PPP1R2: variants seen among roughly 807,000 people sequenced by gnomAD.
PPP1R2 encodes protein phosphatase 1 regulatory inhibitor subunit 2, also known as protein phosphatase inhibitor 2.
In PPP1R2, 16 loss-of-function variants were observed where a neutral mutation model predicts 29.9. The observed-to-expected ratio is 0.53, with a 90% CI of 0.36 to 0.81. The LOEUF (loss-of-function observed/expected upper bound fraction) is 0.81, where lower values mean the gene tolerates loss of function less well. PPP1R2 is among the 30% of genes least tolerant of loss of function. The probability of loss-of-function intolerance (pLI) is 0.00; values close to 1 mark genes in which losing one functional copy is unlikely to be tolerated. For synonymous variants in PPP1R2, 76 were observed against 91.5 expected, an observed-to-expected ratio of 0.83 and a Z score of 0.96; for missense variants, 197 against 252.7, an observed-to-expected ratio of 0.78 and a Z score of 1.49.
rs186136953 is a variant in PPP1R2 at position 195,526,843 on chromosome 3, G to A, written c.231-1947C>T. Among the ~76,000 whole-genome samples the A allele has an allele frequency of 3.2e-3, 488 of 152,126 alleles. 2 individuals are homozygous for A. Among genetic ancestry groups the A allele is most frequent in the Non-Finnish European group, 5.7e-3 (387 of 67,968 alleles). ...GTTGCCCAGGCTGGAGTGCAATGGC[G>A]CGATCTCAGCTCACTGCAACCTCTG... On this transcript the variant is annotated intron_variant, in intron 2 of 5. Transcript: ENST00000618156.
intron 5 of PPP1R2, among the ~76,000 whole-genome samples, chr3:195,517,326 G>C (rs920785163): frequency 6.6e-6 from 1 of 152,132 alleles, no homozygotes; most frequent in Non-Finnish European, 1.5e-5. Flanking sequence ...GTGAATGGGG[G>C]AGGAAAGGGG....
chr3:195,533,851 C>T (rs1719277049), intron 1 of PPP1R2, among the ~76,000 whole-genome samples: 1 of 152,094 alleles, frequency 6.6e-6, no homozygotes, highest in East Asian at 1.9e-4. Flanking sequence ...TATATGATAA[C>T]TTAAAGCAAA....
chr3:195,516,801 G>T lies in PPP1R2; in HGVS notation c.*95C>A. 1.9e-6 allele frequency: 2 copies of T among 1,038,754 alleles called. No homozygotes were observed. Among genetic ancestry groups the T allele is most frequent in the Non-Finnish European group, 3.0e-6 (2 of 677,938 alleles). 64.3% of individuals were successfully genotyped at this position (1,038,754 alleles called of 1,614,324 possible). A position where few individuals can be genotyped will look rare whatever the true frequency, so the allele number is the denominator to read the frequency against. On this transcript the variant is annotated 3_prime_UTR_variant, in exon 6 of 6. Transcript: ENST00000618156. ...TATATAATAACTGGTATGCATTTTG[G>T]TACTTAAGTCATGAATTGTGAAGAA...
intron 1 of PPP1R2, among the ~76,000 whole-genome samples, chr3:195,540,955 A>T (rs1185292635): frequency 6.6e-6 from 1 of 152,264 alleles, no homozygotes; most frequent in Non-Finnish European, 1.5e-5. Context: ...GTCACATAAC[A>T]AGGATCATTA....
chr3:195,518,836 G>C (rs1718649131), intron 5 of PPP1R2, among the ~76,000 whole-genome samples, 182 bp downstream of exon 5: 1 of 151,946 alleles, frequency 6.6e-6, no homozygotes, highest in Admixed American at 6.6e-5. Flanking sequence ...ATCAACTCTA[G>C]GTATAAAAAC....
At chr3:195,537,141 T>C (rs1719418969) in intron 1 of PPP1R2, among the ~76,000 whole-genome samples, 1 of 152,002 alleles carries the variant, frequency 6.6e-6, no homozygotes, top group African/African-American at 2.4e-5. Context: ...TATAAAACAG[T>C]ACATACAGTA....
intron 5 of PPP1R2, among the ~76,000 whole-genome samples, 155 bp from the exon 6 acceptor site, chr3:195,517,097 A>C (rs1353484764): frequency 3.3e-5 from 5 of 152,166 alleles, no homozygotes; most frequent in Non-Finnish European, 7.4e-5. Flanking sequence ...GAAATTGAAG[A>C]ATCTATACAC....
chr3:195,527,348 G>A (rs1157790799), intron 2 of PPP1R2, among the ~76,000 whole-genome samples: 1 of 152,044 alleles, frequency 6.6e-6, no homozygotes, highest in Non-Finnish European at 1.5e-5. Flanking sequence ...TACTTGGGAG[G>A]CTGAGGCACG....
chr3:195,532,646 A>G (rs1719230167), intron 1 of PPP1R2, among the ~76,000 whole-genome samples: 1 of 152,286 alleles, frequency 6.6e-6, no homozygotes, highest in East Asian at 1.9e-4. Flanking sequence ...GACTCTATTT[A>G]TAGTTGACCC....
At chr3:195,529,680 G>T in intron 2 of PPP1R2, 114 bp downstream of exon 2, 1 of 682,212 alleles carries the variant, frequency 1.5e-6, no homozygotes. Flanking sequence ...CTTCACTAGT[G>T]CTCCAGTAAC....
At chr3:195,525,020 C>T (rs1023539002) in intron 2 of PPP1R2, 124 bp from the exon 3 acceptor site, 3 of 765,260 alleles carry the variant, frequency 3.9e-6, no homozygotes, top group Non-Finnish European at 6.6e-6. Context: ...CTGTTGATAT[C>T]TTTGAGGTTT....
intron 4 of PPP1R2, among the ~76,000 whole-genome samples, chr3:195,521,496 T>G (rs73065902): frequency 0.022 from 3,335 of 152,132 alleles, 133 homozygotes; most frequent in African/African-American, 0.076. Flanking sequence ...CTTCATGTTT[T>G]CAATGTTTCT....
At position 195,529,041 on chromosome 3, in the gene PPP1R2, A is replaced by AT. The variant is rs879663216; in HGVS notation, c.230+752dup. 3.2e-3 allele frequency: 410 copies of AT among 129,514 alleles called. 1 individual carries two copies. The highest frequency in any genetic ancestry group is 0.012 in the East Asian group (56 of 4,542). The allele number at this position is 129,514 out of a possible 1,614,324, so 8.0% of individuals were successfully genotyped here. A position where few individuals can be genotyped will look rare whatever the true frequency, so the allele number is the denominator to read the frequency against. ...GCCACCATGCCTGGCTAATTTTTGT[A>AT]TTTTTTTTTTTTTTTAGTAGAGATG... On this transcript the variant is annotated intron_variant, in intron 2 of 5. Transcript: ENST00000618156.
intron 5 of PPP1R2, among the ~76,000 whole-genome samples, chr3:195,518,063 T>A (rs535721105): frequency 5.3e-5 from 8 of 152,290 alleles, no homozygotes; most frequent in African/African-American, 1.7e-4. Flanking sequence ...CTGAAAAGTA[T>A]GAAGTTTGTA....
chr3:195,537,481 T>TTGTGTGTGTGTGTGTGTGTG (rs71180930), intron 1 of PPP1R2, among the ~76,000 whole-genome samples: 2,526 of 128,440 alleles, frequency 0.02, 51 homozygotes, highest in Admixed American at 0.037. Flanking sequence ...GGATTAGCTA[T>TTGTGTGTGTGTGTGTGTGTG]TGTGTGTGTG....
intron 1 of PPP1R2, among the ~76,000 whole-genome samples, chr3:195,535,189 G>A (rs1242822334): frequency 2.6e-5 from 4 of 152,144 alleles, no homozygotes; most frequent in East Asian, 1.9e-4. Flanking sequence ...AGGAGTGGGC[G>A]ACCTAGAGCC....
intron 1 of PPP1R2, among the ~76,000 whole-genome samples, chr3:195,542,293 CAT>C (rs1719626065): frequency 6.6e-6 from 1 of 151,272 alleles, no homozygotes; most frequent in South Asian, 2.2e-4. Context: ...CAACTTTTTA[CAT>C]GTGTATCTTT....
chr3:195,540,156 G>A (rs1719540419), intron 1 of PPP1R2, among the ~76,000 whole-genome samples: 1 of 152,152 alleles, frequency 6.6e-6, no homozygotes, highest in South Asian at 2.1e-4. Context: ...TTTGAGGTCC[G>A]TTAGCAGTTG....
At chr3:195,538,229 T>C (rs901663839) in intron 1 of PPP1R2, among the ~76,000 whole-genome samples, 1 of 152,236 alleles carries the variant, frequency 6.6e-6, no homozygotes, top group Non-Finnish European at 1.5e-5. Context: ...TCACTTTTAC[T>C]TTGTTAGCTC....
Sources: gnomAD v4.1 joint callset for allele counts (sites outside exome capture counted in the v4.1 genomes callset) on GRCh38, gnomAD v4.1.1 for gene constraint, MANE v1.5 for transcripts, NCBI Gene and HGNC (gene_info 2026-07-23, HGNC 2026-07-21) for gene names.